Variants in C1QTNF7 observed in about 807,000 individuals in gnomAD.
C1QTNF7 encodes complement C1q tumor necrosis factor-related protein 7.
Under a neutral mutation model 19.6 loss-of-function variants are expected in C1QTNF7, and 15 were observed. The ratio of observed to expected loss-of-function variants is 0.76; its 90% CI spans 0.51 to 1.18. The LOEUF is 1.18. Ranked by LOEUF, C1QTNF7 falls within the 50% of genes most tolerant of loss-of-function variation. The pLI is 0.00. For missense variants in C1QTNF7, 324 were observed against 359.7 expected, an observed-to-expected ratio of 0.90 and a Z score of 0.80; for synonymous variants, 142 against 137.5, an observed-to-expected ratio of 1.03 and a Z score of -0.23.
At chr4:15,413,229 C>T (rs1016899857) in intron 1 of C1QTNF7, among the ~76,000 whole-genome samples, 8 of 152,336 alleles carry the variant, frequency 5.3e-5, no homozygotes, top group African/African-American at 1.9e-4. Flanking sequence ...TGTGCTTCTA[C>T]CACCTATTTC....
At chr4:15,341,718 A>G (rs1005135428) in intron 1 of C1QTNF7, among the ~76,000 whole-genome samples, 4 of 152,184 alleles carry the variant, frequency 2.6e-5, no homozygotes, top group Non-Finnish European at 5.9e-5. Flanking sequence ...GTCCTCTCGG[A>G]CCATCCCCAG....
chr4:15,400,186 G>A (rs1344844959), intron 1 of C1QTNF7, among the ~76,000 whole-genome samples: 6 of 152,070 alleles, frequency 3.9e-5, no homozygotes, highest in Admixed American at 3.3e-4. Flanking sequence ...AAAATGTCTT[G>A]GATTGTACAC....
At chr4:15,357,887 T>A (rs2109295876) in intron 1 of C1QTNF7, among the ~76,000 whole-genome samples, 1 of 152,340 alleles carries the variant, frequency 6.6e-6, no homozygotes, top group African/African-American at 2.4e-5. Context: ...TCTCTGTTTG[T>A]CTATTATTGG....
intron 1 of C1QTNF7, among the ~76,000 whole-genome samples, chr4:15,340,947 GA>G (rs1396102025): frequency 3.9e-5 from 6 of 152,196 alleles, no homozygotes; most frequent in Admixed American, 3.9e-4. Context: ...GGTCACTTGA[GA>G]AGTATCTTGT....
At chr4:15,372,876 G>C (rs780575354) in intron 1 of C1QTNF7, among the ~76,000 whole-genome samples, 5 of 152,186 alleles carry the variant, frequency 3.3e-5, no homozygotes, top group Middle Eastern at 3.4e-3. Context: ...TGGGAGACAA[G>C]TACCAAGAGG....
At chr4:15,349,020 C>T (rs1716809648) in intron 1 of C1QTNF7, among the ~76,000 whole-genome samples, 1 of 152,154 alleles carries the variant, frequency 6.6e-6, no homozygotes, top group Non-Finnish European at 1.5e-5. Context: ...AGGTTTATTC[C>T]TATTTTACAC....
chr4:15,368,401 A>G (rs1419133977), intron 1 of C1QTNF7, among the ~76,000 whole-genome samples: 2 of 151,932 alleles, frequency 1.3e-5, no homozygotes, highest in East Asian at 3.9e-4. Flanking sequence ...TTAACTCGTC[A>G]TTTACATTAG....
intron 1 of C1QTNF7, among the ~76,000 whole-genome samples, chr4:15,418,178 C>G (rs1711536661): frequency 6.6e-6 from 1 of 152,120 alleles, no homozygotes. Flanking sequence ...AGTGATCAGC[C>G]ATGATCATCT....
At chr4:15,369,073 G>A (rs906709975) in intron 1 of C1QTNF7, among the ~76,000 whole-genome samples, 1 of 152,200 alleles carries the variant, frequency 6.6e-6, no homozygotes, top group African/African-American at 2.4e-5. Context: ...GTCTTAATTA[G>A]GAAGGGACAA....
chr4:15,357,524 C>T lies in C1QTNF7; in HGVS notation c.13+17317C>T, dbSNP rs533888573. Among the ~76,000 whole-genome samples, 7 of 152,274 alleles carry T rather than the reference C, an allele frequency of 4.6e-5. No homozygotes were observed. In the South Asian group the frequency reaches 1.2e-3, roughly 27 times the overall value. ...AGTTTGAAGTCAGGTAGCATAATGC[C>T]TCCAGCTTTGTTCTTTTTGCTTAGG... On this transcript the variant is annotated intron_variant, in intron 1 of 2. Coordinates refer to the C1QTNF7 transcript ENST00000295297.
chr4:15,386,523 T>TG (rs35315984), intron 1 of C1QTNF7, among the ~76,000 whole-genome samples: 94,397 of 151,864 alleles, frequency 0.62, 30,666 homozygotes, highest in East Asian at 0.89. Flanking sequence ...ATAAAACACG[T>TG]GTACCTTAGA....
intron 1 of C1QTNF7, among the ~76,000 whole-genome samples, chr4:15,394,253 G>A (rs1718694278): frequency 6.6e-6 from 1 of 152,228 alleles, no homozygotes; most frequent in South Asian, 2.1e-4. Context: ...AAGTTGGGGT[G>A]AAACCCAAGG....
intron 1 of C1QTNF7, among the ~76,000 whole-genome samples, chr4:15,386,408 C>T (rs1211819154): frequency 6.6e-6 from 1 of 152,222 alleles, no homozygotes; most frequent in Non-Finnish European, 1.5e-5. Context: ...GCACCAGACA[C>T]TGTTCTGGTT....
At chr4:15,424,018 A>G (rs1711922328), upstream of C1QTNF7, among the ~76,000 whole-genome samples, 1 of 152,228 alleles carries the variant, frequency 6.6e-6, no homozygotes, top group East Asian at 1.9e-4. Flanking sequence ...TGAATAAAAA[A>G]TAACCTCATT....
chr4:15,368,880 G>T (rs558505319), intron 1 of C1QTNF7, among the ~76,000 whole-genome samples: 1 of 152,204 alleles, frequency 6.6e-6, no homozygotes, highest in Non-Finnish European at 1.5e-5. Context: ...GAGTTCTTTA[G>T]GGCAGATGGT....
chr4:15,398,699 G>A (rs28402830), intron 1 of C1QTNF7, among the ~76,000 whole-genome samples: 3,363 of 152,250 alleles, frequency 0.022, 143 homozygotes, highest in African/African-American at 0.076. Flanking sequence ...CTCAATTCTT[G>A]CCTGCTCAGA....
intron 1 of C1QTNF7, among the ~76,000 whole-genome samples, chr4:15,343,118 G>C (rs1015757099): frequency 6.6e-6 from 1 of 152,174 alleles, no homozygotes; most frequent in African/African-American, 2.4e-5. Context: ...CTTTACCTCA[G>C]TAAGTGTCAC....
At chr4:15,422,206 T>G (rs1295144296) in intron 1 of C1QTNF7, among the ~76,000 whole-genome samples, 1 of 51,522 alleles carries the variant, frequency 1.9e-5, no homozygotes, top group East Asian at 1.5e-3. Context: ...AACCTGTTTT[T>G]TTTTAAAAAA....
At chr4:15,411,878 C>T (rs949678471) in intron 1 of C1QTNF7, among the ~76,000 whole-genome samples, 7 of 152,060 alleles carry the variant, frequency 4.6e-5, no homozygotes, top group Non-Finnish European at 7.4e-5. Context: ...AGTCCCCAGT[C>T]CCTGAACCAC....
Sources: allele counts gnomAD v4.1 joint callset (sites outside exome capture counted in the v4.1 genomes callset), GRCh38; gene constraint gnomAD v4.1.1; transcripts MANE v1.5; gene names NCBI Gene and HGNC (gene_info 2026-07-23, HGNC 2026-07-21).